Variants in KLHL1 observed in about 807,000 individuals in gnomAD.
KLHL1 encodes the protein kelch like family member 1, also known as kelch-like protein 1.
Under a neutral mutation model 77.7 loss-of-function variants are expected in KLHL1, and 47 were observed. The ratio of observed to expected loss-of-function variants is 0.60; its 90% CI spans 0.48 to 0.77. The LOEUF is 0.77. Among genes scored for constraint, KLHL1 ranks in the 30% least tolerant of loss-of-function variants. The pLI is 0.00. For synonymous variants in KLHL1, 360 were observed against 325.2 expected, an observed-to-expected ratio of 1.11 and a Z score of -1.15; for missense variants, 925 against 910.8, an observed-to-expected ratio of 1.02 and a Z score of -0.20.
intron 6 of KLHL1, among the ~76,000 whole-genome samples, chr13:69,812,266 GAC>G: frequency 6.6e-6 from 1 of 152,196 alleles, no homozygotes; most frequent in East Asian, 1.9e-4. Flanking sequence ...TGGTCTGAGA[GAC>G]AGTTTGTTAT....
chr13:70,094,594 T>C (rs1286398344), intron 1 of KLHL1, among the ~76,000 whole-genome samples: 4 of 152,126 alleles, frequency 2.6e-5, no homozygotes, highest in Non-Finnish European at 5.9e-5. Context: ...AGAATTAATC[T>C]GTAAACCACC....
intron 1 of KLHL1, among the ~76,000 whole-genome samples, chr13:70,086,240 C>T (rs899096349): frequency 2.0e-5 from 3 of 150,972 alleles, no homozygotes; most frequent in Non-Finnish European, 4.4e-5. Flanking sequence ...TTCTGAAGTT[C>T]GTATCTCAGC....
rs551332526 is a variant in KLHL1, at chr13:69,754,389, A to G, written c.1640-13833T>C. Among the ~76,000 whole-genome samples, 205 of 152,310 alleles carry G rather than the reference A, an allele frequency of 1.3e-3. 2 individuals carry two copies. The highest frequency in any genetic ancestry group is 4.8e-3 in the African/African-American group (199 of 41,566). ...TTTGTTTACAATTTAATAAGGGACA[A>G]GGACATATCCTTTTTGTATATACAA... On this transcript the variant is annotated intron_variant, in intron 7 of 10. Transcript: ENST00000377844.
chr13:69,966,784 C>T (rs1195229314), intron 2 of KLHL1, among the ~76,000 whole-genome samples: 1 of 151,998 alleles, frequency 6.6e-6, no homozygotes, highest in Non-Finnish European at 1.5e-5. Context: ...TCTTCTGGAT[C>T]TCCATTATCT....
In KLHL1 at chr13:69,915,591, T is replaced by G. The variant is rs181709569; in HGVS notation, c.1014+24449A>C. On this transcript the variant is annotated intron_variant, in intron 4 of 10. Coordinates refer to ENST00000377844, the MANE Select transcript of KLHL1 (RefSeq NM_020866.3). ...TCCTTACACCTTATACAAAAATTAA[T>G]TCAAGATGGATTAAAGACTTAAATG... 5.1e-3 allele frequency among the ~76,000 whole-genome samples: 779 copies of G among 152,192 alleles called. 6 individuals carry two copies. Among genetic ancestry groups the G allele is most frequent in the African/African-American group, 0.017 (704 of 41,504 alleles).
rs150370930 is a variant in KLHL1 at position 70,030,019 on chromosome 13, G to A, written c.498-54217C>T. Among the ~76,000 whole-genome samples, 371 of 152,172 alleles carry A rather than the reference G, an allele frequency of 2.4e-3. 1 individual carries two copies. The highest frequency in any genetic ancestry group is 8.3e-3 in the African/African-American group (346 of 41,524). On this transcript the variant is annotated intron_variant, in intron 1 of 10. Transcript: ENST00000377844. ...AGAAGTCCATTACATAATGGTAAAG[G>A]GATCAATTCAACAAGAAGAGCTAAC...
chr13:69,722,410 GA>G (rs1424323241), intron 8 of KLHL1, among the ~76,000 whole-genome samples: 8 of 151,448 alleles, frequency 5.3e-5, no homozygotes, highest in Non-Finnish European at 8.8e-5. Flanking sequence ...AAATCATGAA[GA>G]AATATGAAAT....
chr13:69,972,903 G>A (rs9542141), intron 2 of KLHL1, among the ~76,000 whole-genome samples: 1 of 151,822 alleles, frequency 6.6e-6, no homozygotes, highest in Non-Finnish European at 1.5e-5. Flanking sequence ...CTGAATCTCA[G>A]ATTAAAGGTA....
At chr13:69,801,595 G>A (rs999790741) in intron 6 of KLHL1, among the ~76,000 whole-genome samples, 6 of 151,792 alleles carry the variant, frequency 4.0e-5, no homozygotes, top group South Asian at 2.1e-4. Flanking sequence ...TAAAAGAATC[G>A]TAAAGTATCT....
chr13:69,717,780 G>T lies in KLHL1; in HGVS notation c.2015+1589C>A, dbSNP rs139952219. 9.9e-5 allele frequency among the ~76,000 whole-genome samples: 15 copies of T among 152,184 alleles called. 1 individual carries two copies. Among genetic ancestry groups the T allele is most frequent in the Middle Eastern group, 3.4e-3 (1 of 294 alleles). The stretch of plus-strand genomic sequence containing the variant: ...TATTAGCAGCATTTTTAAAATAAAT[G>T]ATTGCACATTTGTGAGTATAAAAGC... On this transcript the variant is annotated intron_variant, in intron 9 of 10. Transcript: ENST00000377844.
At chr13:69,844,364 T>C (rs183372104) in intron 5 of KLHL1, among the ~76,000 whole-genome samples, 182 of 151,828 alleles carry the variant, frequency 1.2e-3, no homozygotes, top group African/African-American at 4.1e-3. Context: ...AAATATTGTG[T>C]AAAATGTAAC....
intron 3 of KLHL1, among the ~76,000 whole-genome samples, chr13:69,950,342 A>G (rs1018035311): frequency 6.9e-6 from 1 of 145,544 alleles, no homozygotes; most frequent in African/African-American, 2.5e-5. Flanking sequence ...AGAACAAGGA[A>G]TTGTTTTCAG....
intron 7 of KLHL1, among the ~76,000 whole-genome samples, chr13:69,792,909 T>C (rs759050816): frequency 6.6e-6 from 1 of 152,134 alleles, no homozygotes; most frequent in East Asian, 1.9e-4. Flanking sequence ...GTATTGGGTA[T>C]AGGATTTCTT....
rs765617293 is a variant in KLHL1, at chr13:69,988,723, C to T, written c.498-12921G>A. On this transcript the variant is annotated intron_variant, in intron 1 of 10. Transcript: ENST00000377844. Reference sequence around the variant, plus strand: ...TTCTCTAATGATTAGTGATATTGAACATTTTTTCATAAGTATATTGGCTGC... The same window carrying T: ...TTCTCTAATGATTAGTGATATTGAATATTTTTTCATAAGTATATTGGCTGC... 3.0e-4 allele frequency among the ~76,000 whole-genome samples: 45 copies of T among 152,070 alleles called. 2 individuals are homozygous for T. Among genetic ancestry groups the T allele is most frequent in the African/African-American group, 2.2e-4 (9 of 41,414 alleles).
intron 7 of KLHL1, among the ~76,000 whole-genome samples, chr13:69,783,104 C>T (rs1015804140): frequency 4.6e-5 from 7 of 152,290 alleles, no homozygotes; most frequent in African/African-American, 1.7e-4. Context: ...AACAGACCTG[C>T]AGCTGAGAGT....
At chr13:70,007,704 G>A (rs893143628) in intron 1 of KLHL1, among the ~76,000 whole-genome samples, 1 of 151,912 alleles carries the variant, frequency 6.6e-6, no homozygotes. Flanking sequence ...AACTTTCCTA[G>A]TACTGTATTA....
At chr13:70,088,136 G>A (rs186747885) in intron 1 of KLHL1, among the ~76,000 whole-genome samples, 23 of 152,170 alleles carry the variant, frequency 1.5e-4, no homozygotes, top group African/African-American at 2.2e-4. Context: ...AATAATGAGC[G>A]CCACGAACTT....
chr13:69,773,863 C>A (rs1184464171), intron 7 of KLHL1, among the ~76,000 whole-genome samples: 3 of 145,968 alleles, frequency 2.1e-5, no homozygotes, highest in African/African-American at 7.6e-5. Context: ...AAGTCCTTGG[C>A]TATATATATA....
chr13:70,012,380 T>G (rs941554518), intron 1 of KLHL1, among the ~76,000 whole-genome samples: 2 of 152,164 alleles, frequency 1.3e-5, no homozygotes, highest in Admixed American at 6.5e-5. Flanking sequence ...TTAATTTTAT[T>G]AAGATATTCA....
Sources: allele counts gnomAD v4.1 joint callset (sites outside exome capture counted in the v4.1 genomes callset), GRCh38; gene constraint gnomAD v4.1.1; transcripts MANE v1.5; gene names NCBI Gene and HGNC (gene_info 2026-07-23, HGNC 2026-07-21).